The following KLK9 variants were observed in gnomAD, a reference collection of about 807,000 sequenced individuals.
The protein encoded by KLK9 is kallikrein-9.
KLK9 carries 26 observed loss-of-function variants against 23.3 expected under a neutral mutation model. That is an observed-to-expected ratio of 1.12 (90% CI 0.82 to 1.55). The LOEUF (loss-of-function observed/expected upper bound fraction) is 1.55. Ranked by LOEUF, KLK9 falls within the 40% of genes most tolerant of loss-of-function variation. The probability of loss-of-function intolerance (pLI) is 0.00; values close to 1 mark genes in which losing one functional copy is unlikely to be tolerated. For missense variants in KLK9, 346 were observed against 333.7 expected (o/e 1.04, Z -0.29); for synonymous variants, 122 against 128.5 (o/e 0.95, Z 0.34).
chr19:51,005,846 AG>A (rs2091253182), intron 3 of KLK9, among the ~76,000 whole-genome samples: 1 of 151,604 alleles, frequency 6.6e-6, no homozygotes, highest in Admixed American at 6.6e-5. Flanking sequence ...TGGGAGTCCA[AG>A]GCGGGCAGAT....
rs373762977 is a variant in KLK9, at chr19:51,006,245, C to T, written c.466+213G>A. ...TTCCTCCTCCTCCTTTTTTTCTTCTCCTCCTCCTCCTTCTTCCACTTCTTC... is the reference window on the plus strand; with the variant it reads ...TTCCTCCTCCTCCTTTTTTTCTTCTTCTCCTCCTCCTTCTTCCACTTCTTC... On this transcript the variant is annotated intron_variant, in intron 3 of 4. Transcript: ENST00000594211. The surrounding 1 kb of genome is among the most constrained non-coding windows in gnomAD (Gnocchi z 4.1). 1.9e-4 allele frequency among the ~76,000 whole-genome samples: 29 copies of T among 151,792 alleles called. No homozygotes were observed. The East Asian group carries it at 3.9e-3, about 20-fold the overall frequency.
Position 51,003,043 on chromosome 19 carries a change from C to A in KLK9, c.*68G>T, listed in dbSNP as rs1054651658. On this transcript the variant is annotated 3_prime_UTR_variant, in exon 5 of 5. Transcript: ENST00000594211. ...GGGAACCATTGAGGCTGGGACCCTACGAGAACCCCCTACCCCGTGCCCTTC... is the reference window on the plus strand; with the variant it reads ...GGGAACCATTGAGGCTGGGACCCTAAGAGAACCCCCTACCCCGTGCCCTTC... The A allele has an allele frequency of 5.2e-6, 8 of 1,527,040 alleles. No homozygotes were observed. The highest frequency in any genetic ancestry group is 6.2e-6 in the Non-Finnish European group (7 of 1,133,562). The allele number at this position is 1,527,040 out of a possible 1,614,324, so 94.6% of individuals were successfully genotyped here. A position where few individuals can be genotyped will look rare whatever the true frequency, so the allele number is the denominator to read the frequency against.
At position 51,006,727 on chromosome 19, in the gene KLK9, C is replaced by T. The variant is rs773460803; in HGVS notation, c.201-4G>A. 22 of 1,571,128 alleles carry T rather than the reference C, an allele frequency of 1.4e-5. No homozygotes were observed. In the Admixed American group the frequency reaches 1.8e-4, roughly 13 times the overall value. On this transcript the variant is annotated splice_region_variant and splice_polypyrimidine_tract_variant and intron_variant, in intron 2 of 4. Coordinates refer to ENST00000594211, the MANE Select transcript of KLK9 (RefSeq NM_012315.2). The surrounding 1 kb of genome is among the most constrained non-coding windows in gnomAD (Gnocchi z 4.1). ...TCCAAGGCGGACCCACAGATACCTG[C>T]TGGGACAGGCCTCAGAGGTCAAGCT...
Position 51,006,790 on chromosome 19 carries a change from T to A in KLK9, c.201-67A>T. On this transcript the variant is annotated intron_variant, in intron 2 of 4. Coordinates refer to ENST00000594211, the MANE Select transcript of KLK9 (RefSeq NM_012315.2). This position sits in a 1 kb window ranked among gnomAD's most constrained non-coding sequence, Gnocchi z 4.1. ...AAAGTCCTTTCAGCCCCAGCCCTCTTTTCCTGTCCATCAGGGTGCTGTGTG... is the reference window on the plus strand; with the variant it reads ...AAAGTCCTTTCAGCCCCAGCCCTCTATTCCTGTCCATCAGGGTGCTGTGTG... 2.1e-6 allele frequency: 3 copies of A among 1,457,888 alleles called. 1 individual carries two copies. The highest frequency in any genetic ancestry group is 2.7e-6 in the Non-Finnish European group (3 of 1,097,540). 90.3% of individuals were successfully genotyped at this position (1,457,888 alleles called of 1,614,324 possible).
chr19:51,007,377 T>C (rs144085713), intron 2 of KLK9, among the ~76,000 whole-genome samples: 1 of 151,936 alleles, frequency 6.6e-6, no homozygotes, highest in African/African-American at 2.4e-5. Context: ...GGATGACAAG[T>C]CCATTCCCCA....
At chr19:51,008,370 A>G (rs913696118) in intron 2 of KLK9, among the ~76,000 whole-genome samples, 3 of 150,730 alleles carry the variant, frequency 2.0e-5, no homozygotes, top group African/African-American at 7.3e-5. Context: ...AAGAAAGACT[A>G]GAATGTCATC....
At chr19:51,007,733 A>G (rs2091261122) in intron 2 of KLK9, among the ~76,000 whole-genome samples, 1 of 151,978 alleles carries the variant, frequency 6.6e-6, no homozygotes, top group Non-Finnish European at 1.5e-5. Context: ...TGCTTTACTC[A>G]TGGAGGGAAG....
intron 2 of KLK9, among the ~76,000 whole-genome samples, chr19:51,007,024 C>T (rs75696816): frequency 0.014 from 2,144 of 151,996 alleles, 46 homozygotes; most frequent in African/African-American, 0.048. Context: ...TCACCTGGAG[C>T]CTTGGTGGTG....
chr19:51,007,680 G>C (rs1026724988), intron 2 of KLK9, among the ~76,000 whole-genome samples: 2 of 151,992 alleles, frequency 1.3e-5, no homozygotes, highest in East Asian at 3.9e-4. Context: ...ATGGAGCAAT[G>C]CATGATGGGA....
At chr19:51,008,433 T>C (rs928029878) in intron 2 of KLK9, among the ~76,000 whole-genome samples, 1 of 151,746 alleles carries the variant, frequency 6.6e-6, no homozygotes, top group Non-Finnish European at 1.5e-5. Context: ...TCAAATAGTT[T>C]AAGACTACAG....
intron 2 of KLK9, among the ~76,000 whole-genome samples, chr19:51,008,056 C>A (rs549557631): frequency 1.5e-4 from 23 of 151,438 alleles, no homozygotes; most frequent in East Asian, 1.9e-4. Flanking sequence ...TTTGGCTGGG[C>A]GCGGTGGCTC....
chr19:51,003,320 G>A (rs2091242548), intron 4 of KLK9, 60 bp from the exon 5 acceptor site: 1 of 1,520,692 alleles, frequency 6.6e-7, no homozygotes, highest in Non-Finnish European at 8.9e-7. Context: ...CAATTACACG[G>A]GCCACTTCCT....
At chr19:51,007,023 GC>G (rs2091258391) in intron 2 of KLK9, among the ~76,000 whole-genome samples, 1 of 151,900 alleles carries the variant, frequency 6.6e-6, no homozygotes, top group African/African-American at 2.4e-5. Context: ...CTCACCTGGA[GC>G]CTTGGTGGTG....
Position 51,006,701 on chromosome 19 carries a change from C to T in KLK9, c.223G>A (p.Glu75Lys), listed in dbSNP as rs748919713. 6.3e-7 allele frequency: 1 copy of T among 1,595,318 alleles called. No homozygotes were observed. Among genetic ancestry groups the T allele is most frequent in the South Asian group, 1.1e-5 (1 of 88,184 alleles). The change falls in exon 3 of 5, where the codon GAG becomes AAG. Residue 75 changes from glutamate (E) to lysine (K), a missense_variant. Glu to Lys is a moderately conservative substitution (Grantham distance 56, BLOSUM62 1). Coordinates refer to ENST00000594211, the MANE Select transcript of KLK9 (RefSeq NM_012315.2). This position sits in a 1 kb window ranked among gnomAD's most constrained non-coding sequence, Gnocchi z 4.1. ...RKPYLWVRLG[E>K]HHLWKWEGPE... Reference sequence around the variant, plus strand: ...CCCTCCCATTTCCAGAGGTGGTGCTCTCCAAGGCGGACCCACAGATACCTG... The same window carrying T: ...CCCTCCCATTTCCAGAGGTGGTGCTTTCCAAGGCGGACCCACAGATACCTG...
rs2122352595 is a variant in KLK9, at chr19:51,003,161, T to C, written c.703A>G (p.Thr235Ala). The C allele has an allele frequency of 1.2e-6, 2 of 1,612,970 alleles. No homozygotes were observed. Among genetic ancestry groups the C allele is most frequent in the East Asian group, 2.2e-5 (1 of 44,878 alleles). Residue 235 changes from threonine (T) to alanine (A), a missense_variant, in exon 5 of 5, where the codon ACC becomes GCC. Thr to Ala is a moderately conservative substitution (Grantham distance 58, BLOSUM62 0). Coordinates refer to ENST00000594211, the MANE Select transcript of KLK9 (RefSeq NM_012315.2). ...CSRPRRPAVY[T>A]SVCHYLDWIQ... ...CAGTCAAGGTAGTGGCATACGCTGGTGTAGACTGCGGGGCGCCGGGGTCTG... is the reference window on the plus strand; with the variant it reads ...CAGTCAAGGTAGTGGCATACGCTGGCGTAGACTGCGGGGCGCCGGGGTCTG...
intron 3 of KLK9, among the ~76,000 whole-genome samples, chr19:51,005,995 A>G (rs2091254240): frequency 6.6e-6 from 1 of 151,610 alleles, no homozygotes; most frequent in Admixed American, 6.6e-5. Context: ...GTGGTGGTGC[A>G]TATCTGTAAT....
chr19:51,004,286 G>T (rs1405968610), intron 3 of KLK9, among the ~76,000 whole-genome samples: 7 of 129,508 alleles, frequency 5.4e-5, no homozygotes, highest in African/African-American at 8.7e-5. Context: ...GTTGCAGTGA[G>T]CCGAGACTGG....
Position 51,009,301 on chromosome 19 carries a change from C to A in KLK9, c.82G>T (p.Glu28Ter). Residue 28 changes from glutamate (E) to a stop codon, truncating the protein, a stop_gained, in exon 2 of 5, where the codon GAA becomes TAA. Transcript: ENST00000594211. LOFTEE classifies it high-confidence loss of function. The surrounding 1 kb of genome is among the most constrained non-coding windows in gnomAD (Gnocchi z 4.8). The part of the protein sequence containing the change: ...WADTRAIGAE[E>*]CRPNSQPWQA... ...CAAGGCTGGGAGTTGGGGCGACATT[C>A]CTCGGCCCCGATGGCACGGGTGTCT... 6.3e-7 allele frequency: 1 copy of A among 1,597,072 alleles called. No individual in the cohort carries two copies. The highest frequency in any genetic ancestry group is 8.5e-7 in the Non-Finnish European group (1 of 1,172,052).
At chr19:51,007,360 C>A (rs7249817) in intron 2 of KLK9, among the ~76,000 whole-genome samples, 1 of 151,824 alleles carries the variant, frequency 6.6e-6, no homozygotes, top group Non-Finnish European at 1.5e-5. Context: ...AGCTGGGATC[C>A]TTTCGGGGAT....
Sources: allele counts gnomAD v4.1 joint callset (sites outside exome capture counted in the v4.1 genomes callset), GRCh38; gene constraint gnomAD v4.1.1; non-coding constraint Gnocchi (gnomAD v3.1); transcripts MANE v1.5; gene names NCBI Gene and HGNC (gene_info 2026-07-23, HGNC 2026-07-21).